MYO9A: variants seen among roughly 807,000 people sequenced by gnomAD.
MYO9A encodes the protein myosin IXA, also known as unconventional myosin-IXa.
Under a neutral mutation model 293.3 loss-of-function variants are expected in MYO9A, and 103 were observed. The ratio of observed to expected loss-of-function variants is 0.35; its 90% confidence interval spans 0.30 to 0.41. The LOEUF is 0.41. Ranked by LOEUF, MYO9A falls within the 10% of genes least tolerant of loss-of-function variation. The pLI is 1.00. For synonymous variants in MYO9A, 1,001 were observed against 1,035.7 expected (o/e 0.97, Z 0.64); for missense variants, 2,685 against 3,033.0 (o/e 0.89, Z 2.69).
intron 3 of MYO9A, among the ~76,000 whole-genome samples, chr15:72,028,316 C>T (rs867278496): frequency 1.3e-5 from 2 of 149,084 alleles, no homozygotes; most frequent in African/African-American, 2.5e-5. Context: ...CATATGGTCA[C>T]GAGTCTTTTT....
chr15:72,038,432 A>T (rs991054967), intron 2 of MYO9A, among the ~76,000 whole-genome samples: 1 of 152,216 alleles, frequency 6.6e-6, no homozygotes, highest in African/African-American at 2.4e-5. Context: ...AAGAGAGTTC[A>T]AGTTATACAA....
intron 19 of MYO9A, among the ~76,000 whole-genome samples, chr15:71,909,751 T>C (rs1193744653): frequency 1.3e-5 from 2 of 152,206 alleles, no homozygotes; most frequent in Admixed American, 6.5e-5. Context: ...CAACTATATA[T>C]AGACCCCTGT....
rs770934120 is a variant in MYO9A, at chr15:71,978,238, T to C, written c.1777A>G (p.Thr593Ala). 6.2e-7 allele frequency: 1 copy of C among 1,613,046 alleles called. No homozygotes were observed. The highest frequency in any genetic ancestry group is 1.1e-5 in the South Asian group (1 of 90,884). Residue 593 changes from threonine to alanine, a missense_variant, in exon 12 of 42, where the codon ACC (threonine) becomes GCC (alanine). Physicochemically the swap from Thr to Ala is moderately conservative, Grantham distance 58 (BLOSUM62 0). Coordinates refer to ENST00000356056, the MANE Select transcript of MYO9A (RefSeq NM_006901.4). ...SWHNIDYIDN[T>A]CCINLISKKP... Reference sequence around the variant, plus strand: ...TTGCTAATAAGATTTATGCAGCAGGTATTATCAATGTAATCTATGTTGTGC... The same window carrying C: ...TTGCTAATAAGATTTATGCAGCAGGCATTATCAATGTAATCTATGTTGTGC...
chr15:71,988,964 G>A (rs750846380), intron 11 of MYO9A, among the ~76,000 whole-genome samples: 69 of 152,110 alleles, frequency 4.5e-4, no homozygotes, highest in African/African-American at 1.5e-3. Context: ...GCGCAATCTC[G>A]GCTCACTGCA....
chr15:72,069,626 T>C (rs899752672), intron 1 of MYO9A, among the ~76,000 whole-genome samples: 9 of 152,104 alleles, frequency 5.9e-5, no homozygotes, highest in African/African-American at 1.9e-4. Context: ...GACAGGAGAA[T>C]AGAAAAAGAT....
chr15:71,986,109 T>C (rs1186389724), intron 11 of MYO9A, among the ~76,000 whole-genome samples: 1 of 152,052 alleles, frequency 6.6e-6, no homozygotes. Flanking sequence ...CGACCACATA[T>C]CAAAAATATT....
chr15:71,910,130 GTATA>G (rs1209943568), intron 19 of MYO9A, among the ~76,000 whole-genome samples: 1 of 133,382 alleles, frequency 7.5e-6, no homozygotes, highest in East Asian at 2.1e-4. Flanking sequence ...ATATACACGT[GTATA>G]TATATATACG....
chr15:71,878,047 GCTGTGCAAT>G lies in MYO9A; in HGVS notation c.5915_5923del (p.Asp1972_Thr1974del). On this transcript the variant is annotated inframe_deletion, in exon 31 of 42. Transcript: ENST00000356056. ...AAAATATATCACATTTACCTTTGTG[GCTGTGCAAT>G]CTGAAGTCTTGAATTCATTCATATA... 1 of 1,592,894 alleles carries G rather than the reference GCTGTGCAAT, an allele frequency of 6.3e-7. No individual in the cohort carries two copies. The highest frequency in any genetic ancestry group is 1.2e-5 in the South Asian group (1 of 86,774).
intron 39 of MYO9A, among the ~76,000 whole-genome samples, chr15:71,835,772 T>C (rs2054916308): frequency 1.3e-5 from 2 of 152,116 alleles, no homozygotes. Context: ...TTTCATAATT[T>C]ATATGGCATA....
intron 1 of MYO9A, among the ~76,000 whole-genome samples, chr15:72,067,178 TATTA>T (rs2079047207): frequency 6.7e-6 from 1 of 148,704 alleles, no homozygotes; most frequent in African/African-American, 2.4e-5. Flanking sequence ...TTATTAAATA[TATTA>T]ATATTATTAC....
intron 18 of MYO9A, among the ~76,000 whole-genome samples, chr15:71,925,198 CACAT>C (rs1567277976): frequency 0.067 from 365 of 5,424 alleles, 27 homozygotes; most frequent in Middle Eastern, 0.12. Flanking sequence ...TGTATATATA[CACAT>C]ATATACATGT....
At chr15:71,872,248 GA>G (rs1235700562) in intron 32 of MYO9A, among the ~76,000 whole-genome samples, 2 of 151,238 alleles carry the variant, frequency 1.3e-5, no homozygotes, top group African/African-American at 4.9e-5. Flanking sequence ...AGGGAGGAAG[GA>G]AAAAAAATAC....
At chr15:71,904,884 A>G in intron 20 of MYO9A, 42 bp downstream of exon 20, 1 of 1,424,756 alleles carries the variant, frequency 7.0e-7, no homozygotes, top group Non-Finnish European at 9.7e-7. Context: ...CTCAGTTTGA[A>G]GTAAGCTGAG....
intron 34 of MYO9A, chr15:71,858,604 T>G (rs1305521889): frequency 6.6e-6 from 1 of 150,394 alleles, no homozygotes; most frequent in Non-Finnish European, 1.5e-5. Context: ...GCGCCCGATC[T>G]CTTCTGATCT....
chr15:71,850,749 G>A (rs1302698538), intron 37 of MYO9A, among the ~76,000 whole-genome samples: 2 of 101,072 alleles, frequency 2.0e-5, no homozygotes, highest in Non-Finnish European at 3.7e-5. Flanking sequence ...CTGGGTGACA[G>A]ACTGAAACTG....
intron 11 of MYO9A, among the ~76,000 whole-genome samples, chr15:71,989,218 A>C (rs1224904925): frequency 2.0e-5 from 3 of 152,020 alleles, no homozygotes; most frequent in Non-Finnish European, 4.4e-5. Context: ...TACTAACTTA[A>C]TCAATCTTGA....
At chr15:71,876,956 T>TAAC (rs2056713727) in intron 31 of MYO9A, among the ~76,000 whole-genome samples, 1 of 152,202 alleles carries the variant, frequency 6.6e-6, no homozygotes, top group African/African-American at 2.4e-5. Context: ...ATAAAGACCT[T>TAAC]AACCTAGATC....
At chr15:71,936,939 A>G (rs1358252323) in intron 16 of MYO9A, among the ~76,000 whole-genome samples, 2 of 147,882 alleles carry the variant, frequency 1.4e-5, no homozygotes, top group Non-Finnish European at 3.0e-5. Flanking sequence ...TGGCTTTAGA[A>G]AAAAAAAAAA....
intron 34 of MYO9A, among the ~76,000 whole-genome samples, chr15:71,857,876 C>A (rs569006931): frequency 2.2e-4 from 34 of 152,380 alleles, no homozygotes; most frequent in Admixed American, 2.0e-3. Flanking sequence ...GGGCTAATAT[C>A]CAGAATCTAC....
Sources: allele counts gnomAD v4.1 joint callset (sites outside exome capture counted in the v4.1 genomes callset), GRCh38; gene constraint gnomAD v4.1.1; transcripts MANE v1.5; gene names NCBI Gene and HGNC (gene_info 2026-07-23, HGNC 2026-07-21).